Variants in TUSC3 observed in about 807,000 individuals in gnomAD.
The protein encoded by TUSC3 is tumor suppressor candidate 3, also known as dolichyl-diphosphooligosaccharide--protein glycosyltransferase subunit TUSC3.
A neutral mutation model predicts 44.8 loss-of-function variants in TUSC3; 45 were observed. The observed-to-expected ratio is 1.00, with a 90% CI of 0.79 to 1.29. The LOEUF is 1.29. Ranked by LOEUF, TUSC3 falls within the 50% of genes most tolerant of loss-of-function variation. The pLI, the probability that TUSC3 is intolerant of heterozygous loss-of-function variation, is 0.00. For synonymous variants in TUSC3, 212 were observed against 152.9 expected (o/e 1.39, Z -2.85); for missense variants, 519 against 437.9 (o/e 1.19, Z -1.65).
chr8:15,846,092 C>T, the TUSC3 span, among the ~76,000 whole-genome samples: 2 of 152,106 alleles, frequency 1.3e-5, no homozygotes, highest in African/African-American at 4.8e-5. Context: ...GACTGGCTTC[C>T]ATGATTCAAT....
intron 1 of TUSC3, among the ~76,000 whole-genome samples, chr8:15,588,627 G>C (rs1803692766): frequency 6.6e-6 from 1 of 151,978 alleles, no homozygotes; most frequent in African/African-American, 2.4e-5. Flanking sequence ...CAAAATCTTT[G>C]CTCAGAACAA....
At chr8:15,613,022 G>A (rs1008695216) in intron 1 of TUSC3, among the ~76,000 whole-genome samples, 2 of 149,848 alleles carry the variant, frequency 1.3e-5, no homozygotes, top group Non-Finnish European at 3.0e-5. Flanking sequence ...TAAGAGCAGA[G>A]CTACAGCCAT....
chr8:15,838,701 G>C, the TUSC3 span, among the ~76,000 whole-genome samples: 4 of 152,120 alleles, frequency 2.6e-5, no homozygotes, highest in Non-Finnish European at 5.9e-5. Flanking sequence ...GCCCTGTTCT[G>C]TTCCATTGGT....
the TUSC3 span, among the ~76,000 whole-genome samples, chr8:15,833,315 C>G: frequency 1.3e-5 from 2 of 152,000 alleles, no homozygotes; most frequent in Non-Finnish European, 2.9e-5. Context: ...TCCTCAAAGA[C>G]CTAAAGACAG....
intron 1 of TUSC3, among the ~76,000 whole-genome samples, chr8:15,543,891 T>G (rs887564952): frequency 2.0e-5 from 3 of 149,108 alleles, no homozygotes; most frequent in African/African-American, 7.4e-5. Context: ...CATAGAAGAC[T>G]TGGTGATATC....
At chr8:15,425,141 A>C (rs1475032272) in intron 1 of TUSC3, among the ~76,000 whole-genome samples, 1 of 152,198 alleles carries the variant, frequency 6.6e-6, no homozygotes, top group Non-Finnish European at 1.5e-5. Flanking sequence ...ATTACAATGA[A>C]AGGTAATGTC....
At chr8:15,569,981 A>G (rs903337325) in intron 1 of TUSC3, among the ~76,000 whole-genome samples, 5 of 152,126 alleles carry the variant, frequency 3.3e-5, no homozygotes, top group Admixed American at 6.6e-5. Flanking sequence ...CATTTTCTTT[A>G]AAAATAAATA....
intron 1 of TUSC3, among the ~76,000 whole-genome samples, chr8:15,451,388 C>G (rs1453149685): frequency 2.6e-5 from 4 of 152,060 alleles, no homozygotes; most frequent in Admixed American, 2.0e-4. Context: ...AGCCCCCTGA[C>G]CTTCTCAGAG....
chr8:15,725,735 CA>C (rs2129206103), intron 6 of TUSC3, among the ~76,000 whole-genome samples: 1 of 152,150 alleles, frequency 6.6e-6, no homozygotes, highest in Admixed American at 6.5e-5. Context: ...AAGAGCTTAA[CA>C]ATTTGAAGTT....
At chr8:15,636,825 A>C (rs1328571191) in intron 2 of TUSC3, among the ~76,000 whole-genome samples, 1 of 152,198 alleles carries the variant, frequency 6.6e-6, no homozygotes, top group Non-Finnish European at 1.5e-5. Flanking sequence ...TTTTGGGGTC[A>C]AGTCTGAAGA....
chr8:15,749,281 C>G (rs1811586767), intron 9 of TUSC3, among the ~76,000 whole-genome samples: 1 of 152,098 alleles, frequency 6.6e-6, no homozygotes, highest in Non-Finnish European at 1.5e-5. Context: ...TCCTCAAAGC[C>G]TACATTTCTT....
At chr8:15,569,333 C>T (rs1802784878) in intron 1 of TUSC3, among the ~76,000 whole-genome samples, 1 of 152,002 alleles carries the variant, frequency 6.6e-6, no homozygotes, top group Non-Finnish European at 1.5e-5. Flanking sequence ...AGTTTATTTT[C>T]ATGGAAAATA....
chr8:15,619,592 C>T (rs1025747221), intron 1 of TUSC3, among the ~76,000 whole-genome samples: 17 of 151,954 alleles, frequency 1.1e-4, no homozygotes, highest in African/African-American at 3.6e-4. Context: ...CCTGGGTTCA[C>T]GCCATTCTCC....
At chr8:15,649,888 A>G (rs553158980) in intron 2 of TUSC3, among the ~76,000 whole-genome samples, 1 of 152,178 alleles carries the variant, frequency 6.6e-6, no homozygotes, top group East Asian at 1.9e-4. Flanking sequence ...GAGAACAGTC[A>G]ACCATACTGA....
intron 6 of TUSC3, among the ~76,000 whole-genome samples, chr8:15,714,082 T>A (rs1421245): frequency 6.6e-6 from 1 of 151,908 alleles, no homozygotes; most frequent in African/African-American, 2.4e-5. Flanking sequence ...GAACAACTTA[T>A]AGTAACATCT....
chr8:15,429,551 T>A (rs1406012536), intron 1 of TUSC3, among the ~76,000 whole-genome samples: 1 of 141,388 alleles, frequency 7.1e-6, no homozygotes, highest in Admixed American at 6.8e-5. Context: ...ATCTATAAAT[T>A]ACCTTGTGCA....
At chr8:15,599,758 CTAT>C (rs1804208916) in intron 1 of TUSC3, among the ~76,000 whole-genome samples, 1 of 147,432 alleles carries the variant, frequency 6.8e-6, no homozygotes, top group African/African-American at 2.5e-5. Context: ...TCTTAGCCCT[CTAT>C]TCTGTACTAT....
chr8:15,623,179 C>T lies in TUSC3; in HGVS notation c.238C>T (p.Pro80Ser), dbSNP rs367782565. ...GDKFRKFIKA[P>S]PRNYSMIVMF... ...TAAATTCCGAAAATTTATAAAGGCA[C>T]CACCTCGAAACTATTCCATGATTGT... Residue 80 changes from proline to serine, a missense_variant, in exon 2 of 11, where the codon CCA becomes TCA. Pro to Ser is a moderately conservative substitution (Grantham distance 74). Coordinates refer to ENST00000503731, the MANE Select transcript of TUSC3 (RefSeq NM_006765.4). 5.6e-6 allele frequency: 9 copies of T among 1,613,662 alleles called. No homozygotes were observed. In the African/African-American group the frequency reaches 9.3e-5, roughly 17 times the overall value.
chr8:15,641,330 C>T (rs1042426960), intron 2 of TUSC3, among the ~76,000 whole-genome samples: 22 of 137,548 alleles, frequency 1.6e-4, no homozygotes, highest in South Asian at 4.6e-4. Flanking sequence ...CACTGCACTC[C>T]GGCCTGGCGA....
Sources: gnomAD v4.1 joint callset for allele counts (sites outside exome capture counted in the v4.1 genomes callset) on GRCh38, gnomAD v4.1.1 for gene constraint, MANE v1.5 for transcripts, NCBI Gene and HGNC (gene_info 2026-07-23, HGNC 2026-07-21) for gene names.